Variants in LGR5 observed in about 807,000 individuals in gnomAD.
The protein encoded by LGR5 is leucine rich repeat containing G protein-coupled receptor 5, also known as leucine-rich repeat-containing G protein-coupled receptor 5.
In LGR5, 54 loss-of-function variants were observed where a neutral mutation model predicts 76.7. The observed-to-expected ratio is 0.70, with a 90% CI of 0.57 to 0.88. The LOEUF (loss-of-function observed/expected upper bound fraction) is 0.88. Ranked by LOEUF, LGR5 falls within the 40% of genes least tolerant of loss-of-function variation. The probability of loss-of-function intolerance (pLI) is 0.00; values close to 1 mark genes in which losing one functional copy is unlikely to be tolerated. For synonymous variants in LGR5, 406 were observed against 421.9 expected, an observed-to-expected ratio of 0.96 and a Z score of 0.46; for missense variants, 1,078 against 1,073.3, an observed-to-expected ratio of 1.00 and a Z score of -0.06.
chr12:71,548,321 G>GTGTGTGTGTA (rs147007812), intron 4 of LGR5, among the ~76,000 whole-genome samples: 16,570 of 151,182 alleles, frequency 0.11, 1,169 homozygotes, highest in Middle Eastern at 0.18. Flanking sequence ...GTGTGTGTGT[G>GTGTGTGTGTA]TGTGCGTAGA....
Position 71,584,567 on chromosome 12 carries a change from A to C in LGR5, c.2557A>C (p.Asn853His). The C allele has an allele frequency of 6.2e-7, 1 of 1,614,114 alleles. No individual in the cohort carries two copies. Among genetic ancestry groups the C allele is most frequent in the South Asian group, 1.1e-5 (1 of 91,078 alleles). Residue 853 changes from asparagine (N) to histidine (H), a missense_variant, in exon 18 of 18, where the codon AAC (asparagine) becomes CAC (histidine). Asn to His is a moderately conservative substitution (Grantham distance 68). Coordinates refer to ENST00000266674, the MANE Select transcript of LGR5 (RefSeq NM_003667.4). ...RSKHPSLMSINSDDVEKQSCD... is the reference protein window; with the variant it reads ...RSKHPSLMSIHSDDVEKQSCD... ...AAAACACCCAAGCTTGATGTCAATTAACTCTGATGATGTCGAAAAACAGTC... is the reference window on the plus strand; with the variant it reads ...AAAACACCCAAGCTTGATGTCAATTCACTCTGATGATGTCGAAAAACAGTC...
chr12:71,534,230 A>T (rs1164663675), intron 3 of LGR5, among the ~76,000 whole-genome samples: 2 of 152,242 alleles, frequency 1.3e-5, no homozygotes, highest in Non-Finnish European at 2.9e-5. Flanking sequence ...GTAGCAAAAT[A>T]TAAGGAATCT....
intron 2 of LGR5, among the ~76,000 whole-genome samples, chr12:71,522,753 G>C (rs777191202): frequency 3.3e-4 from 50 of 152,116 alleles, no homozygotes; most frequent in Admixed American, 3.1e-3. Flanking sequence ...TCTGTCAAGA[G>C]AAGGAAAAAC....
rs1879133460 is a variant in LGR5, at chr12:71,582,467, C to G, written c.1564C>G (p.Leu522Val). ...TTCTTGTGCTGCAGATGAACGTGAC[C>G]TTGAAGATTTCCTGCTTGACTTTGA... ...GMFQAQDERD[L>V]EDFLLDFEED... The change falls in exon 17 of 18, where the codon CTT becomes GTT. Residue 522 changes from leucine (L) to valine (V), a missense_variant. Leu to Val is a conservative substitution (Grantham distance 32). Transcript: ENST00000266674. 8 of 1,613,866 alleles carry G rather than the reference C, an allele frequency of 5.0e-6. No individual in the cohort carries two copies. Among genetic ancestry groups the G allele is most frequent in the Non-Finnish European group, 6.8e-6 (8 of 1,179,886 alleles).
intron 2 of LGR5, among the ~76,000 whole-genome samples, chr12:71,512,756 TG>T (rs35894607): frequency 0.093 from 14,117 of 152,202 alleles, 701 homozygotes; most frequent in Non-Finnish European, 0.11. Context: ...AGGGAAGAAC[TG>T]ATTTTGGAGG....
At chr12:71,477,495 T>C (rs1873389811) in intron 1 of LGR5, among the ~76,000 whole-genome samples, 1 of 148,190 alleles carries the variant, frequency 6.7e-6, no homozygotes. Flanking sequence ...ATACTATGTA[T>C]TATATATGTG....
chr12:71,473,193 C>T (rs142102753), intron 1 of LGR5, among the ~76,000 whole-genome samples: 2 of 152,252 alleles, frequency 1.3e-5, no homozygotes, highest in African/African-American at 4.8e-5. Context: ...ACATTCCCAG[C>T]ACATCATGGA....
At chr12:71,451,597 T>C (rs1206676297) in intron 1 of LGR5, among the ~76,000 whole-genome samples, 1 of 152,206 alleles carries the variant, frequency 6.6e-6, no homozygotes, top group Admixed American at 6.5e-5. Context: ...AAACCTGTCT[T>C]TGATGCTCCC....
At chr12:71,506,108 A>C (rs1434077952) in intron 2 of LGR5, among the ~76,000 whole-genome samples, 1 of 152,204 alleles carries the variant, frequency 6.6e-6, no homozygotes, top group East Asian at 1.9e-4. Flanking sequence ...GACATTAGTC[A>C]ACATTTTTAA....
At position 71,455,275 on chromosome 12, in the gene LGR5, G is replaced by A. The variant is rs910922850; in HGVS notation, c.212+14983G>A. ...CTCTGGCAAGATGCATATCCTCCCT[G>A]CCTCAATTTTTGTATCTGTAAAATA... On this transcript the variant is annotated intron_variant, in intron 1 of 17. Transcript: ENST00000266674. Among the ~76,000 whole-genome samples the A allele has an allele frequency of 5.3e-5, 8 of 152,240 alleles. No individual in the cohort carries two copies. In the East Asian group the frequency reaches 9.7e-4, roughly 18 times the overall value.
intron 1 of LGR5, among the ~76,000 whole-genome samples, chr12:71,456,204 A>C (rs370071029): frequency 6.6e-6 from 1 of 152,310 alleles, no homozygotes; most frequent in East Asian, 1.9e-4. Flanking sequence ...GTCCACATAA[A>C]GACGGGGGAG....
Position 71,524,467 on chromosome 12 carries a change from C to T in LGR5, c.346C>T (p.Leu116Phe). The T allele has an allele frequency of 6.2e-7, 1 of 1,608,312 alleles. No homozygotes were observed. The highest frequency in any genetic ancestry group is 1.1e-5 in the South Asian group (1 of 90,882). Residue 116 changes from leucine to phenylalanine, a missense_variant, in exon 3 of 18, where the codon CTT (leucine) becomes TTT (phenylalanine). Transcript: ENST00000266674. The part of the protein sequence containing the change: ...PKGAFTGLYS[L>F]KVLMLQNNQL... ...GGGAGCATTCACTGGCCTTTACAGT[C>T]TTAAAGTTCTGTAAGTAAACTGAGT... is the stretch of plus-strand genomic sequence containing the variant.
At chr12:71,453,850 G>A (rs2137214249) in intron 1 of LGR5, among the ~76,000 whole-genome samples, 1 of 152,182 alleles carries the variant, frequency 6.6e-6, no homozygotes, top group East Asian at 1.9e-4. Flanking sequence ...TTGATAAGAA[G>A]CAGTTGGTTC....
intron 3 of LGR5, among the ~76,000 whole-genome samples, chr12:71,534,758 C>T (rs1302357669): frequency 6.6e-6 from 1 of 152,168 alleles, no homozygotes; most frequent in Non-Finnish European, 1.5e-5. Context: ...GTAACTTTTC[C>T]CAAATATTCA....
chr12:71,446,747 A>AT (rs1428006185), intron 1 of LGR5, among the ~76,000 whole-genome samples: 1 of 152,130 alleles, frequency 6.6e-6, no homozygotes, highest in Non-Finnish European at 1.5e-5. Context: ...TACCAGAAAT[A>AT]TTTTTTCAGG....
chr12:71,566,555 G>A, intron 9 of LGR5, 77 bp from the exon 10 acceptor site: 1 of 1,511,638 alleles, frequency 6.6e-7, no homozygotes, highest in Non-Finnish European at 9.2e-7. Context: ...ATAGGTTGAA[G>A]TGCTTTGAAA....
intron 1 of LGR5, among the ~76,000 whole-genome samples, chr12:71,451,012 T>A (rs1335454616): frequency 6.6e-6 from 1 of 152,186 alleles, no homozygotes; most frequent in African/African-American, 2.4e-5. Context: ...CCTAGCTCCC[T>A]GTTAAAAGAA....
At position 71,470,860 on chromosome 12, in the gene LGR5, A is replaced by G. The variant is rs1036572706; in HGVS notation, c.212+30568A>G. On this transcript the variant is annotated intron_variant, in intron 1 of 17. Transcript: ENST00000266674. ...GATGATCCCTCTTCATCCCTAGATT[A>G]GGCACTAGGCCACCCCTCAATGGAG... 6.6e-5 allele frequency among the ~76,000 whole-genome samples: 10 copies of G among 152,174 alleles called. No individual in the cohort carries two copies. The South Asian group carries it at 1.4e-3, about 22-fold the overall frequency.
chr12:71,561,019 T>C (rs1247480749), intron 7 of LGR5, among the ~76,000 whole-genome samples: 1 of 152,200 alleles, frequency 6.6e-6, no homozygotes, highest in Admixed American at 6.5e-5. Flanking sequence ...ATGTTAGTAA[T>C]GTTCTAACAC....
Sources: gnomAD v4.1 joint callset for allele counts (sites outside exome capture counted in the v4.1 genomes callset) on GRCh38, gnomAD v4.1.1 for gene constraint, MANE v1.5 for transcripts, NCBI Gene and HGNC (gene_info 2026-07-23, HGNC 2026-07-21) for gene names.